USPL1: variants seen among roughly 807,000 people sequenced by gnomAD.
USPL1 encodes the protein SUMO-specific isopeptidase USPL1.
In USPL1, 27 loss-of-function variants were observed where a neutral mutation model predicts 51.5. The observed-to-expected ratio is 0.52, with a 90% CI of 0.39 to 0.72. The LOEUF is 0.72. USPL1 is among the 30% of genes least tolerant of loss of function. The pLI, the probability that USPL1 is intolerant of heterozygous loss-of-function variation, is 0.00. For synonymous variants in USPL1, 451 were observed against 459.6 expected (o/e 0.98, Z 0.24); for missense variants, 1,226 against 1,268.0 (o/e 0.97, Z 0.50).
At chr13:30,620,087 T>A (rs1363657072) in intron 1 of USPL1, among the ~76,000 whole-genome samples, 1 of 152,260 alleles carries the variant, frequency 6.6e-6, no homozygotes, top group Admixed American at 6.5e-5. Context: ...ATACTTTCTT[T>A]AAAAAGCAGT....
intron 3 of USPL1, among the ~76,000 whole-genome samples, chr13:30,622,797 T>G (rs1950661623): frequency 1.3e-5 from 2 of 152,228 alleles, no homozygotes; most frequent in African/African-American, 4.8e-5. Context: ...AATACTAGAC[T>G]AAATCACATG....
At position 30,637,777 on chromosome 13, in the gene USPL1, T is replaced by C. The variant is rs780296311; in HGVS notation, c.902T>C (p.Phe301Ser). 5 of 1,612,898 alleles carry C rather than the reference T, an allele frequency of 3.1e-6. No homozygotes were observed. The highest frequency in any genetic ancestry group is 4.5e-5 in the East Asian group (2 of 44,800). The part of the protein sequence containing the change: ...GDCKKLTSEI[F>S]AEIETCLNEV... ...TGTAAAAAACTTACCTCAGAAATAT[T>C]TGCAGAGATAGAGACCTGTCTGAAT... is the stretch of plus-strand genomic sequence containing the variant. Residue 301 changes from phenylalanine to serine, a missense_variant, in exon 5 of 9, where the codon TTT becomes TCT. Coordinates refer to ENST00000255304, the MANE Select transcript of USPL1 (RefSeq NM_005800.5).
chr13:30,650,222 T>C (rs1187855460), intron 7 of USPL1, among the ~76,000 whole-genome samples: 2 of 152,300 alleles, frequency 1.3e-5, no homozygotes, highest in East Asian at 3.9e-4. Context: ...AAGGATATTA[T>C]TTGATTGACT....
intron 6 of USPL1, among the ~76,000 whole-genome samples, chr13:30,643,851 C>A (rs1950982220): frequency 6.6e-6 from 1 of 151,028 alleles, no homozygotes; most frequent in Non-Finnish European, 1.5e-5. Context: ...CTCAGGTGAT[C>A]CAGCCACCTG....
Position 30,660,413 on chromosome 13 carries a change from G to A in USPL1, c.*1057G>A, listed in dbSNP as rs755603870. On this transcript the variant is annotated 3_prime_UTR_variant, in exon 9 of 9. Coordinates refer to ENST00000255304, the MANE Select transcript of USPL1 (RefSeq NM_005800.5). ...AGCAGGCCCCCAAAAGTGCAGGGAT[G>A]CCTGAGTCTGCACCCGCACCCAGGA... The A allele has an allele frequency of 2.6e-5, 4 of 152,304 alleles. No homozygotes were observed. Among genetic ancestry groups the A allele is most frequent in the South Asian group, 2.1e-4 (1 of 4,836 alleles). The allele number at this position is 152,304 out of a possible 1,614,324, so 9.4% of individuals were successfully genotyped here.
intron 6 of USPL1, among the ~76,000 whole-genome samples, chr13:30,644,989 C>G (rs1950998997): frequency 6.6e-6 from 1 of 152,110 alleles, no homozygotes; most frequent in African/African-American, 2.4e-5. Flanking sequence ...CTCACAGTAA[C>G]TCAGTGAGGA....
intron 7 of USPL1, among the ~76,000 whole-genome samples, chr13:30,651,362 T>C (rs1279505533): frequency 6.6e-6 from 1 of 152,176 alleles, no homozygotes; most frequent in Non-Finnish European, 1.5e-5. Flanking sequence ...TCAGCTAGAG[T>C]CTGAGTATCT....
intron 3 of USPL1, among the ~76,000 whole-genome samples, chr13:30,622,642 T>A (rs1484135174): frequency 6.6e-6 from 1 of 152,176 alleles, no homozygotes; most frequent in Non-Finnish European, 1.5e-5. Flanking sequence ...CAGCAAAAAA[T>A]TAGCAGTTCA....
At position 30,653,315 on chromosome 13, in the gene USPL1, T is replaced by C. The variant is rs1951116219; in HGVS notation, c.1396+10T>C. On this transcript the variant is annotated intron_variant, in intron 8 of 8. Transcript: ENST00000255304. ...ATTTTAGATGCTGATGGTAAGTGTT[T>C]AGAGGTTTTCTTTTAAGATAATTGG... The C allele has an allele frequency of 6.4e-7, 1 of 1,560,290 alleles. No individual in the cohort carries two copies. Among genetic ancestry groups the C allele is most frequent in the Non-Finnish European group, 8.7e-7 (1 of 1,147,022 alleles).
At position 30,658,991 on chromosome 13, in the gene USPL1, T is replaced by A; in HGVS notation, c.2914T>A (p.Leu972Ile). ...LYSSQTHEEILAELLSPTPVS... is the reference protein window; with the variant it reads ...LYSSQTHEEIIAELLSPTPVS... ...CAGTAGTCAAACTCATGAAGAAATTTTAGCGGAATTATTGTCTCCTACACC... is the reference window on the plus strand; with the variant it reads ...CAGTAGTCAAACTCATGAAGAAATTATAGCGGAATTATTGTCTCCTACACC... Residue 972 changes from leucine (L) to isoleucine (I), a missense_variant, in exon 9 of 9, where the codon TTA becomes ATA. By Grantham distance (5) the Leu-to-Ile change is conservative (BLOSUM62 2). Coordinates refer to ENST00000255304, the MANE Select transcript of USPL1 (RefSeq NM_005800.5). The A allele has an allele frequency of 6.2e-7, 1 of 1,614,176 alleles. No homozygotes were observed. Among genetic ancestry groups the A allele is most frequent in the Non-Finnish European group, 8.5e-7 (1 of 1,180,034 alleles).
At chr13:30,655,853 G>A (rs1019590427) in intron 8 of USPL1, among the ~76,000 whole-genome samples, 22 of 152,194 alleles carry the variant, frequency 1.4e-4, no homozygotes, top group African/African-American at 2.9e-4. Context: ...GTTTGACATC[G>A]TGATTTATTA....
chr13:30,652,732 CAT>C (rs1007105491), intron 7 of USPL1, among the ~76,000 whole-genome samples: 3 of 152,316 alleles, frequency 2.0e-5, no homozygotes, highest in African/African-American at 4.8e-5. Context: ...CTTTCTTTCA[CAT>C]GTTACCTACC....
At chr13:30,628,581 C>G (rs760317008) in intron 3 of USPL1, among the ~76,000 whole-genome samples, 4 of 152,288 alleles carry the variant, frequency 2.6e-5, no homozygotes, top group African/African-American at 7.2e-5. Context: ...ATGTTCCCCT[C>G]TCTGTGTCCG....
At chr13:30,628,720 T>A (rs947158122) in intron 3 of USPL1, among the ~76,000 whole-genome samples, 1 of 152,186 alleles carries the variant, frequency 6.6e-6, no homozygotes, top group African/African-American at 2.4e-5. Context: ...ACATGAGGAG[T>A]TTCTTACTTT....
intron 8 of USPL1, among the ~76,000 whole-genome samples, chr13:30,653,950 T>C (rs907475757): frequency 6.6e-6 from 1 of 152,212 alleles, no homozygotes; most frequent in African/African-American, 2.4e-5. Context: ...ATTTAGACAC[T>C]CTTTCACACT....
intron 1 of USPL1, among the ~76,000 whole-genome samples, chr13:30,619,572 G>A (rs1322517215): frequency 3.9e-5 from 6 of 152,298 alleles, no homozygotes; most frequent in African/African-American, 4.8e-5. Flanking sequence ...ATGATACGAC[G>A]TGTACTGCTT....
chr13:30,659,126 AAC>A lies in USPL1; in HGVS notation c.3055_3056del (p.His1019SerfsTer6). The A allele has an allele frequency of 6.2e-7, 1 of 1,614,248 alleles. No homozygotes were observed. The highest frequency in any genetic ancestry group is 8.5e-7 in the Non-Finnish European group (1 of 1,180,038). ...VPSEFNDVSQ[N>X]THLRQDHNYC... ...AAGTGAATTCAATGATGTTTCCCAGAACACACATCTGAGACAGGACCATAATT... is the reference window on the plus strand; with the variant it reads ...AAGTGAATTCAATGATGTTTCCCAGAACACATCTGAGACAGGACCATAATT... On this transcript the variant is annotated frameshift_variant, in exon 9 of 9. Transcript: ENST00000255304. LOFTEE classifies it low-confidence loss of function (END_TRUNC).
Position 30,646,088 on chromosome 13 carries a change from AC to A in USPL1, c.1113-843del, listed in dbSNP as rs139365230. ...TTTTAAAATGTTAACCTCCCTGACTACTGATGTTTTTAACAGACAGTGCTTC... is the reference window on the plus strand; with the variant it reads ...TTTTAAAATGTTAACCTCCCTGACTATGATGTTTTTAACAGACAGTGCTTC... On this transcript the variant is annotated intron_variant, in intron 6 of 8. Transcript: ENST00000255304. Among the ~76,000 whole-genome samples, 671 of 152,308 alleles carry A rather than the reference AC, an allele frequency of 4.4e-3. 4 individuals are homozygous for A. Among genetic ancestry groups the A allele is most frequent in the African/African-American group, 0.014 (601 of 41,562 alleles).
intron 8 of USPL1, among the ~76,000 whole-genome samples, chr13:30,656,111 G>A (rs1224075985): frequency 6.6e-6 from 1 of 152,168 alleles, no homozygotes; most frequent in African/African-American, 2.4e-5. Flanking sequence ...GTGGTAGTAA[G>A]TAAAATGTAA....
Sources: gnomAD v4.1 joint callset for allele counts (sites outside exome capture counted in the v4.1 genomes callset) on GRCh38, gnomAD v4.1.1 for gene constraint, MANE v1.5 for transcripts, NCBI Gene and HGNC (gene_info 2026-07-23, HGNC 2026-07-21) for gene names.